RAB27A: variants seen among roughly 807,000 people sequenced by gnomAD.
RAB27A encodes the protein ras-related protein Rab-27A.
In RAB27A, 17 loss-of-function variants were observed where a neutral mutation model predicts 20.8. The ratio of observed to expected loss-of-function variants is 0.82; its 90% confidence interval spans 0.56 to 1.23. The LOEUF (loss-of-function observed/expected upper bound fraction) is 1.23, where lower values mean the gene tolerates loss of function less well. Among genes scored for constraint, RAB27A ranks in the 50% most tolerant of loss-of-function variants. The pLI is 0.00. For missense variants in RAB27A, 277 were observed against 266.7 expected (o/e 1.04, Z -0.27); for synonymous variants, 85 against 92.8 (o/e 0.92, Z 0.48).
At chr15:55,299,803 G>A (rs1231309511) in intron 2 of RAB27A, among the ~76,000 whole-genome samples, 2 of 151,786 alleles carry the variant, frequency 1.3e-5, no homozygotes, top group African/African-American at 4.8e-5. Flanking sequence ...TAATGTTATA[G>A]CAATCCTAAT....
chr15:55,303,637 C>T (rs1276381643), intron 2 of RAB27A, among the ~76,000 whole-genome samples: 1 of 106,032 alleles, frequency 9.4e-6, no homozygotes, highest in Non-Finnish European at 1.9e-5. Flanking sequence ...GCCCGGCCAG[C>T]CGCCCCGTCC....
intron 2 of RAB27A, among the ~76,000 whole-genome samples, chr15:55,296,743 C>A (rs560898473): frequency 6.6e-6 from 1 of 151,968 alleles, no homozygotes; most frequent in Non-Finnish European, 1.5e-5. Flanking sequence ...GGGTCTGAGG[C>A]CTGCTGCTGC....
At chr15:55,307,107 T>C (rs568076858) in intron 2 of RAB27A, among the ~76,000 whole-genome samples, 1 of 152,020 alleles carries the variant, frequency 6.6e-6, no homozygotes, top group East Asian at 1.9e-4. Context: ...CCCCAGGATG[T>C]GTCTAGGGAT....
chr15:55,208,193 G>T (rs941924482), intron 6 of RAB27A, among the ~76,000 whole-genome samples: 4 of 152,026 alleles, frequency 2.6e-5, no homozygotes, highest in Non-Finnish European at 5.9e-5. Flanking sequence ...GTATCAACAT[G>T]GCAAAAATTA....
chr15:55,225,633 T>C (rs12438278), intron 5 of RAB27A, among the ~76,000 whole-genome samples: 11,761 of 152,308 alleles, frequency 0.077, 728 homozygotes, highest in Admixed American at 0.18. Flanking sequence ...TAGAAGAGCA[T>C]GTAAGTATCA....
Position 55,210,268 on chromosome 15 carries a change from A to G in RAB27A, c.468-4563T>C, listed in dbSNP as rs541137579. Among the ~76,000 whole-genome samples the G allele has an allele frequency of 6.4e-4, 80 of 124,614 alleles. 1 individual carries two copies. In the South Asian group the frequency reaches 0.019, roughly 30 times the overall value. The allele number at this position is 124,614 out of a possible 152,430, so 81.8% of individuals were successfully genotyped here. ...TAGTGGAGTTGCTGGATCATATGGT[A>G]GTTCTATTTTTAGTTTTTTTTTTTA... On this transcript the variant is annotated intron_variant, in intron 6 of 6. Transcript: ENST00000336787.
intron 2 of RAB27A, among the ~76,000 whole-genome samples, chr15:55,309,778 T>C (rs542909148): frequency 1.2e-4 from 19 of 152,236 alleles, no homozygotes; most frequent in African/African-American, 4.1e-4. Flanking sequence ...TCCCGAAATC[T>C]TGCACTAACC....
rs1895989137 is a variant in RAB27A at position 55,230,492 on chromosome 15, A to T, written c.154-6T>A. ...GGCCCACTGGCTCTGTACACCTAAA[A>T]CAGCAAAGTGAAAGAGAAAACAAAA... On this transcript the variant is annotated splice_polypyrimidine_tract_variant and splice_region_variant and intron_variant, in intron 3 of 6. Transcript: ENST00000336787. The T allele has an allele frequency of 2.5e-6, 4 of 1,609,816 alleles. No homozygotes were observed. Among genetic ancestry groups the T allele is most frequent in the African/African-American group, 1.3e-5 (1 of 74,954 alleles).
At chr15:55,221,263 C>G (rs1895556208) in intron 6 of RAB27A, among the ~76,000 whole-genome samples, 1 of 124,494 alleles carries the variant, frequency 8.0e-6, no homozygotes, top group South Asian at 2.9e-4. Flanking sequence ...ATCTAGCTAA[C>G]TCCTCTAACT....
At chr15:55,221,290 T>TC (rs397710018) in intron 6 of RAB27A, among the ~76,000 whole-genome samples, 1 of 151,764 alleles carries the variant, frequency 6.6e-6, no homozygotes, top group African/African-American at 2.4e-5. Flanking sequence ...TTCTTTTTTT[T>TC]CTTTGCATTT....
chr15:55,205,541 C>G lies in RAB27A; in HGVS notation c.632G>C (p.Ser211Thr). 6.2e-7 allele frequency: 1 copy of G among 1,614,198 alleles called. No homozygotes were observed. The highest frequency in any genetic ancestry group is 2.2e-5 in the East Asian group (1 of 44,866). The change falls in exon 7 of 7, where the codon AGT becomes ACT. Residue 211 changes from serine to threonine, a missense_variant. Transcript: ENST00000336787. Reference sequence around the variant, plus strand: ...ACATGCCCCTTTCTCCTTTTCTTCACTTAACTGATCCGTAGAGGCATGACC... The same window carrying G: ...ACATGCCCCTTTCTCCTTTTCTTCAGTTAACTGATCCGTAGAGGCATGACC... ...SNGHASTDQL[S>T]EEKEKGACGC is the part of the protein sequence containing the mutation.
intron 2 of RAB27A, among the ~76,000 whole-genome samples, chr15:55,241,416 A>G (rs555010100): frequency 6.6e-6 from 1 of 151,862 alleles, no homozygotes; most frequent in Non-Finnish European, 1.5e-5. Context: ...AAAGCAAGGA[A>G]CACCCATTTC....
intron 3 of RAB27A, among the ~76,000 whole-genome samples, 183 bp from the exon 4 acceptor site, chr15:55,230,669 G>A (rs571668045): frequency 6.6e-6 from 1 of 152,032 alleles, no homozygotes; most frequent in East Asian, 1.9e-4. Flanking sequence ...AAGTTATATT[G>A]AAATATATAC....
intron 2 of RAB27A, among the ~76,000 whole-genome samples, chr15:55,309,672 G>T (rs2055012041): frequency 6.6e-6 from 1 of 152,124 alleles, no homozygotes. Flanking sequence ...TTAAGGTCCA[G>T]GACTGTAAAC....
chr15:55,215,635 G>A (rs1019965993), intron 6 of RAB27A, among the ~76,000 whole-genome samples: 5 of 118,690 alleles, frequency 4.2e-5, no homozygotes, highest in African/African-American at 7.4e-5. Context: ...CTGGGCGACA[G>A]AGCGAGACTC....
intron 1 of RAB27A, among the ~76,000 whole-genome samples, chr15:55,275,079 C>T (rs1232084545): frequency 2.0e-5 from 3 of 151,228 alleles, no homozygotes; most frequent in Non-Finnish European, 2.9e-5. Flanking sequence ...GGTAAAAGCC[C>T]GTCTCCACTA....
intron 2 of RAB27A, among the ~76,000 whole-genome samples, chr15:55,267,508 C>T (rs1897541165): frequency 6.6e-6 from 1 of 152,218 alleles, no homozygotes; most frequent in South Asian, 2.1e-4. Context: ...GGGCCCCAGC[C>T]ACGCTGCAGC....
intron 1 of RAB27A, among the ~76,000 whole-genome samples, chr15:55,274,736 C>G (rs372818285): frequency 2.1e-5 from 3 of 141,656 alleles, no homozygotes; most frequent in Non-Finnish European, 3.0e-5. Context: ...TGAGATTGCA[C>G]CACTGCACTC....
At chr15:55,243,748 G>A (rs1896583197) in intron 2 of RAB27A, among the ~76,000 whole-genome samples, 2 of 152,016 alleles carry the variant, frequency 1.3e-5, no homozygotes, top group Admixed American at 6.6e-5. Context: ...AGGTGCCAGG[G>A]TACAATGGGG....
Sources: gnomAD v4.1 joint callset for allele counts (sites outside exome capture counted in the v4.1 genomes callset) on GRCh38, gnomAD v4.1.1 for gene constraint, MANE v1.5 for transcripts, NCBI Gene and HGNC (gene_info 2026-07-23, HGNC 2026-07-21) for gene names.